The following MYO16 variants were observed in gnomAD, a reference collection of about 807,000 sequenced individuals.
MYO16 encodes unconventional myosin-XVI.
MYO16 carries 94 observed loss-of-function variants against 205.3 expected under a neutral mutation model. That is an observed-to-expected ratio of 0.46 (90% CI 0.39 to 0.54). The LOEUF (loss-of-function observed/expected upper bound fraction) is 0.54, where lower values mean the gene tolerates loss of function less well. MYO16 is among the 20% of genes least tolerant of loss of function. The pLI, the probability that MYO16 is intolerant of heterozygous loss-of-function variation, is 0.00. For missense variants in MYO16, 2,315 were observed against 2,387.5 expected (o/e 0.97, Z 0.63); for synonymous variants, 988 against 954.0 (o/e 1.04, Z -0.66).
intron 9 of MYO16, 80 bp from the exon 10 acceptor site, chr13:108,844,263 C>T: frequency 8.5e-7 from 1 of 1,180,358 alleles, no homozygotes; most frequent in Non-Finnish European, 1.2e-6. Context: ...CGTCATAGTC[C>T]AACTATCCTG....
intron 2 of MYO16, among the ~76,000 whole-genome samples, chr13:108,682,730 T>C (rs1017002551): frequency 1.4e-4 from 21 of 152,044 alleles, no homozygotes; most frequent in African/African-American, 4.6e-4. Flanking sequence ...GAGCCTTCGG[T>C]GGTAGATTCT....
chr13:109,023,797 A>C (rs1159187260), intron 23 of MYO16, among the ~76,000 whole-genome samples: 30 of 135,196 alleles, frequency 2.2e-4, no homozygotes, highest in African/African-American at 7.7e-4. Context: ...CATATTCTAC[A>C]TTTATATACA....
chr13:108,783,200 A>G (rs902733970), intron 4 of MYO16, among the ~76,000 whole-genome samples: 2 of 152,178 alleles, frequency 1.3e-5, no homozygotes, highest in Non-Finnish European at 2.9e-5. Flanking sequence ...GAGCTGCCCA[A>G]GACCATGGAA....
rs143061529 is a variant in MYO16, at chr13:108,746,554, C to T, written c.507+18971C>T. Among the ~76,000 whole-genome samples, 62 of 151,822 alleles carry T rather than the reference C, an allele frequency of 4.1e-4. No homozygotes were observed. In the East Asian group the frequency reaches 6.0e-3, roughly 15 times the overall value. On this transcript the variant is annotated intron_variant, in intron 4 of 34. Coordinates refer to ENST00000457511, the MANE Select transcript of MYO16 (RefSeq NM_001198950.3). ...GAATGTTTCTAGCATAAAGAAAAGGCGACATTTATTATGATGGATTTCCCA... is the reference window on the plus strand; with the variant it reads ...GAATGTTTCTAGCATAAAGAAAAGGTGACATTTATTATGATGGATTTCCCA...
intron 24 of MYO16, chr13:109,048,914 C>T (rs1887140722): frequency 3.5e-5 from 2 of 57,552 alleles, no homozygotes; most frequent in South Asian, 1.6e-3. Flanking sequence ...CAAATACACT[C>T]ATTAGTGCCT....
At chr13:108,595,897 T>TTTTTTTTTA, upstream of MYO16, among the ~76,000 whole-genome samples, 1 of 149,574 alleles carries the variant, frequency 6.7e-6, no homozygotes, top group Non-Finnish European at 1.5e-5. Context: ...TTTTTTTTTT[T>TTTTTTTTTA]TTTTTTACCT....
At chr13:108,566,732 A>C in the MYO16 span, among the ~76,000 whole-genome samples, 2 of 127,304 alleles carry the variant, frequency 1.6e-5, no homozygotes, top group Non-Finnish European at 3.3e-5. Context: ...GAAGGAAGGA[A>C]GGGAGGAAGG....
rs1339194446 is a variant in MYO16, at chr13:108,644,397, TATCTATCTATCTATCTATC to T, written c.28+14530_28+14548del. Among the ~76,000 whole-genome samples, 72 of 150,776 alleles carry T rather than the reference TATCTATCTATCTATCTATC, an allele frequency of 4.8e-4. 1 individual carries two copies. In the East Asian group the frequency reaches 6.8e-3, roughly 14 times the overall value. On this transcript the variant is annotated intron_variant, in intron 1 of 34. Transcript: ENST00000457511. ...CTATCTATCTATCTATCTATCTATC[TATCTATCTATCTATCTATC>T]ATCTGTTTAAATTACTGCAACCCAT...
intron 5 of MYO16, among the ~76,000 whole-genome samples, chr13:108,786,556 C>CT (rs773057337): frequency 1.6e-4 from 24 of 152,180 alleles, no homozygotes; most frequent in Non-Finnish European, 2.6e-4. Context: ...CTTTTTGCCT[C>CT]TAAGAAAACC....
rs1312876823 is a variant in MYO16 at position 108,910,153 on chromosome 13, G to A, written c.1925+3G>A. On this transcript the variant is annotated splice_donor_region_variant and intron_variant, in intron 16 of 34. Transcript: ENST00000457511. ...CTTAATAATTTATGTGCACACCGGT[G>A]AGTGACTAAGTATTTTGTATCTAAA... 1 of 1,610,064 alleles carries A rather than the reference G, an allele frequency of 6.2e-7. No individual in the cohort carries two copies. Among genetic ancestry groups the A allele is most frequent in the Middle Eastern group, 1.7e-4 (1 of 6,036 alleles).
At chr13:108,623,090 G>A (rs1034264680) in intron 1 of MYO16, among the ~76,000 whole-genome samples, 3 of 152,226 alleles carry the variant, frequency 2.0e-5, no homozygotes, top group Middle Eastern at 3.4e-3. Context: ...TCTCCAAATT[G>A]CTTCAGAGCT....
chr13:108,812,887 C>T (rs1417120470), intron 7 of MYO16, among the ~76,000 whole-genome samples: 1 of 152,116 alleles, frequency 6.6e-6, no homozygotes, highest in Non-Finnish European at 1.5e-5. Context: ...TTTAATGGGG[C>T]ATCTTGAAAG....
chr13:108,518,863 AAAG>A, the MYO16 span, among the ~76,000 whole-genome samples: 1 of 152,178 alleles, frequency 6.6e-6, no homozygotes, highest in African/African-American at 2.4e-5. Flanking sequence ...ACTGAGAAAA[AAAG>A]AATATCAGAA....
Position 108,953,876 on chromosome 13 carries a change from C to T in MYO16, c.1926-3812C>T, listed in dbSNP as rs544135270. Among the ~76,000 whole-genome samples, 5 of 151,984 alleles carry T rather than the reference C, an allele frequency of 3.3e-5. No homozygotes were observed. In the East Asian group the frequency reaches 5.8e-4, roughly 18 times the overall value. ...ATAAAAGGCATTGTGTTTTTTTCTT[C>T]GTCTTTATGACAAGTTTTCTGGCTA... On this transcript the variant is annotated intron_variant, in intron 16 of 34. Coordinates refer to ENST00000457511, the MANE Select transcript of MYO16 (RefSeq NM_001198950.3).
At chr13:108,556,772 T>C in the MYO16 span, among the ~76,000 whole-genome samples, 1 of 152,024 alleles carries the variant, frequency 6.6e-6, no homozygotes, top group African/African-American at 2.4e-5. Flanking sequence ...AGATCTTGAA[T>C]TGAATTATTT....
chr13:108,816,645 G>A (rs1239250614), intron 7 of MYO16, among the ~76,000 whole-genome samples: 8 of 152,122 alleles, frequency 5.3e-5, no homozygotes, highest in South Asian at 2.1e-4. Context: ...CTTTGTTCTC[G>A]CTTTTGTAAG....
the MYO16 span, among the ~76,000 whole-genome samples, chr13:108,571,676 G>A: frequency 6.6e-6 from 1 of 151,880 alleles, no homozygotes; most frequent in Non-Finnish European, 1.5e-5. Flanking sequence ...CAGGATGCTA[G>A]CATTGCCCCT....
At chr13:108,740,757 C>T (rs1566581111) in intron 4 of MYO16, among the ~76,000 whole-genome samples, 2 of 152,166 alleles carry the variant, frequency 1.3e-5, no homozygotes, top group Non-Finnish European at 2.9e-5. Flanking sequence ...GGCAGGCAGG[C>T]CTCCTTGAGC....
At chr13:108,540,480 A>G in the MYO16 span, among the ~76,000 whole-genome samples, 2 of 152,140 alleles carry the variant, frequency 1.3e-5, no homozygotes, top group African/African-American at 4.8e-5. Context: ...TGACTGAGGA[A>G]CACACTGAGT....
Sources: gnomAD v4.1 joint callset for allele counts (sites outside exome capture counted in the v4.1 genomes callset) on GRCh38, gnomAD v4.1.1 for gene constraint, MANE v1.5 for transcripts, NCBI Gene and HGNC (gene_info 2026-07-23, HGNC 2026-07-21) for gene names.